Variants in UGT1A9 observed in about 807,000 individuals in gnomAD.
The protein encoded by UGT1A9 is UDP-glucuronosyltransferase 1A9.
A neutral mutation model predicts 45.0 loss-of-function variants in UGT1A9; 35 were observed. That is an observed-to-expected ratio of 0.78 (90% CI 0.59 to 1.03). The LOEUF (loss-of-function observed/expected upper bound fraction) is 1.03. UGT1A9 is among the 50% of genes least tolerant of loss of function. The pLI is 0.00. For synonymous variants in UGT1A9, 278 were observed against 250.6 expected, an observed-to-expected ratio of 1.11 and a Z score of -1.03; for missense variants, 687 against 666.6, an observed-to-expected ratio of 1.03 and a Z score of -0.34.
chr2:233,686,572 T>C (rs1305349676), intron 1 of UGT1A9, among the ~76,000 whole-genome samples: 1 of 152,142 alleles, frequency 6.6e-6, no homozygotes, highest in Non-Finnish European at 1.5e-5. Flanking sequence ...TTTCAGAAGT[T>C]AGTGTGGATT....
intron 1 of UGT1A9, among the ~76,000 whole-genome samples, chr2:233,725,254 CA>C (rs1559370489): frequency 1.4e-5 from 1 of 71,856 alleles, no homozygotes; most frequent in Non-Finnish European, 2.5e-5. Flanking sequence ...GCAGAGGAGG[CA>C]GAGGCAGAGG....
chr2:233,763,371 A>G (rs1027317735), intron 1 of UGT1A9, among the ~76,000 whole-genome samples: 3 of 152,180 alleles, frequency 2.0e-5, no homozygotes, highest in African/African-American at 7.2e-5. Flanking sequence ...TTTGTCTTCA[A>G]GCTTTCTTCC....
intron 1 of UGT1A9, chr2:233,693,589 C>A: frequency 6.2e-7 from 1 of 1,614,210 alleles, no homozygotes; most frequent in African/African-American, 1.3e-5. Context: ...TTCCCAGGTG[C>A]TACACAAAGT....
intron 1 of UGT1A9, among the ~76,000 whole-genome samples, chr2:233,678,924 T>G (rs554683514): frequency 1.5e-4 from 23 of 152,322 alleles, no homozygotes; most frequent in Middle Eastern, 3.4e-3. Flanking sequence ...ATGTGCAACA[T>G]CTGGTCACAG....
chr2:233,769,493 G>C lies in UGT1A9; in HGVS notation c.1295+1054G>C, dbSNP rs1230643911. 1 of 1,612,700 alleles carries C rather than the reference G, an allele frequency of 6.2e-7. No homozygotes were observed. Among genetic ancestry groups the C allele is most frequent in the Admixed American group, 1.7e-5 (1 of 60,004 alleles). On this transcript the variant is annotated intron_variant, in intron 4 of 4. Coordinates refer to ENST00000354728, the MANE Select transcript of UGT1A9 (RefSeq NM_021027.3). This position sits in a 1 kb window ranked among gnomAD's most constrained non-coding sequence, Gnocchi z 4.4. ...TGTGTGTGTGTGCGTGTGTTTATGA[G>C]AGTGTCCATTGCTTTCTCCCATGGT... is the stretch of plus-strand genomic sequence containing the variant.
Position 233,767,047 on chromosome 2 carries a change from A to G in UGT1A9, c.869A>G (p.Tyr290Cys). Residue 290 changes from tyrosine to cysteine, a missense_variant, in exon 2 of 5, where the codon TAC (tyrosine) becomes TGC (cysteine). Physicochemically the swap from Tyr to Cys is radical, Grantham distance 194. Coordinates refer to ENST00000354728, the MANE Select transcript of UGT1A9 (RefSeq NM_021027.3). The stretch of plus-strand genomic sequence containing the variant: ...TTCTGGCTCTAGGAATTTGAAGCCT[A>G]CATTAATGCTTCTGGAGAACATGGA... Reference protein sequence around the residue: ...GKPLPMEFEAYINASGEHGIV... With the variant: ...GKPLPMEFEACINASGEHGIV... The G allele has an allele frequency of 6.2e-7, 1 of 1,614,154 alleles. No homozygotes were observed. The highest frequency in any genetic ancestry group is 8.5e-7 in the Non-Finnish European group (1 of 1,180,014).
intron 1 of UGT1A9, 67 bp downstream of exon 1, chr2:233,672,856 C>T: frequency 1.3e-6 from 2 of 1,537,258 alleles, no homozygotes; most frequent in South Asian, 1.3e-5. Flanking sequence ...GGATTCTTTA[C>T]TGAACTGTGA....
chr2:233,752,750 C>G (rs1270384572), intron 1 of UGT1A9, among the ~76,000 whole-genome samples: 1 of 151,980 alleles, frequency 6.6e-6, no homozygotes, highest in African/African-American at 2.4e-5. Flanking sequence ...GTCTCTAAAA[C>G]AAACAAACAA....
chr2:233,728,571 T>C lies in UGT1A9; in HGVS notation c.856-38463T>C, dbSNP rs61764026. 1.2e-3 allele frequency among the ~76,000 whole-genome samples: 176 copies of C among 152,316 alleles called. 7 individuals carry two copies. The East Asian group carries it at 0.026, about 22-fold the overall frequency. ...CTGATCCTTACAAGAAATATCCTGGTGCGAAAAACGACCAAAACCACATAG... is the reference window on the plus strand; with the variant it reads ...CTGATCCTTACAAGAAATATCCTGGCGCGAAAAACGACCAAAACCACATAG... On this transcript the variant is annotated intron_variant, in intron 1 of 4. Coordinates refer to ENST00000354728, the MANE Select transcript of UGT1A9 (RefSeq NM_021027.3).
At chr2:233,674,615 A>G (rs911623859) in intron 1 of UGT1A9, among the ~76,000 whole-genome samples, 2 of 151,090 alleles carry the variant, frequency 1.3e-5, no homozygotes, top group Non-Finnish European at 2.9e-5. Flanking sequence ...ACATCAAACT[A>G]TATATGGTTT....
At chr2:233,767,390 G>C (rs946979684) in intron 2 of UGT1A9, among the ~76,000 whole-genome samples, 5 of 152,078 alleles carry the variant, frequency 3.3e-5, no homozygotes, top group Admixed American at 2.6e-4. Context: ...ACACTCAGAA[G>C]TATCATTTTC....
chr2:233,729,735 C>A, intron 1 of UGT1A9: 1 of 1,614,000 alleles, frequency 6.2e-7, no homozygotes, highest in South Asian at 1.1e-5. Context: ...CCAATTCAGA[C>A]CACATGACAT....
intron 1 of UGT1A9, among the ~76,000 whole-genome samples, chr2:233,720,116 C>G (rs1194928036): frequency 6.6e-6 from 1 of 152,088 alleles, no homozygotes; most frequent in African/African-American, 2.4e-5. Flanking sequence ...GCGAAAGATA[C>G]AGAGGTGACC....
chr2:233,691,680 C>A (rs2075052568), intron 1 of UGT1A9: 1 of 960,586 alleles, frequency 1.0e-6, no homozygotes, highest in Non-Finnish European at 1.2e-6. Context: ...AGTTGAGAAA[C>A]CTGAAGCTCA....
At chr2:233,737,662 C>A (rs972377767) in intron 1 of UGT1A9, among the ~76,000 whole-genome samples, 3 of 152,186 alleles carry the variant, frequency 2.0e-5, no homozygotes, top group African/African-American at 7.2e-5. Context: ...AGCTGCAGAT[C>A]GGAGCTGTTC....
In UGT1A9 at chr2:233,719,944, A is replaced by G. The variant is rs28898612; in HGVS notation, c.856-47090A>G. Among the ~76,000 whole-genome samples, 584 of 152,290 alleles carry G rather than the reference A, an allele frequency of 3.8e-3. 2 individuals are homozygous for G. Among genetic ancestry groups the G allele is most frequent in the African/African-American group, 0.013 (558 of 41,550 alleles). ...ACTCACGGACAGTGTTTGTAAAGGC[A>G]CCATCTTCATGGTTGTGCATGTCCT... On this transcript the variant is annotated intron_variant, in intron 1 of 4. Coordinates refer to ENST00000354728, the MANE Select transcript of UGT1A9 (RefSeq NM_021027.3).
intron 1 of UGT1A9, among the ~76,000 whole-genome samples, chr2:233,715,794 A>C (rs146761733): frequency 1.4e-4 from 21 of 152,268 alleles, no homozygotes; most frequent in African/African-American, 4.8e-4. Flanking sequence ...ATTTATTTGG[A>C]ATGTGAAAAT....
chr2:233,735,127 C>T (rs965773877), intron 1 of UGT1A9, among the ~76,000 whole-genome samples: 26 of 152,130 alleles, frequency 1.7e-4, no homozygotes, highest in Non-Finnish European at 2.9e-5. Flanking sequence ...TAAAGTCTCT[C>T]ATTATTATTG....
At chr2:233,681,806 T>C (rs1575427461) in intron 1 of UGT1A9, 2 of 1,490,614 alleles carry the variant, frequency 1.3e-6, no homozygotes, top group African/African-American at 2.8e-5. Context: ...TGGCAGTGAA[T>C]GTGAATTTTT....
Sources: allele counts gnomAD v4.1 joint callset (sites outside exome capture counted in the v4.1 genomes callset), GRCh38; gene constraint gnomAD v4.1.1; non-coding constraint Gnocchi (gnomAD v3.1); transcripts MANE v1.5; gene names NCBI Gene and HGNC (gene_info 2026-07-23, HGNC 2026-07-21).